SMOC2: variants seen among roughly 807,000 people sequenced by gnomAD.
SMOC2 encodes SPARC related modular calcium binding 2.
Under a neutral mutation model 61.4 loss-of-function variants are expected in SMOC2, and 39 were observed. That is an observed-to-expected ratio of 0.64 (90% CI 0.49 to 0.83). The LOEUF (loss-of-function observed/expected upper bound fraction) is 0.83. SMOC2 is among the 40% of genes least tolerant of loss of function. The pLI, the probability that SMOC2 is intolerant of heterozygous loss-of-function variation, is 0.00. For synonymous variants in SMOC2, 247 were observed against 239.9 expected, an observed-to-expected ratio of 1.03 and a Z score of -0.27; for missense variants, 556 against 592.9, an observed-to-expected ratio of 0.94 and a Z score of 0.65.
chr6:168,494,974 C>A (rs775109859), intron 1 of SMOC2, among the ~76,000 whole-genome samples: 1 of 152,222 alleles, frequency 6.6e-6, no homozygotes, highest in African/African-American at 2.4e-5. Flanking sequence ...CCTCGCTCGG[C>A]CTTGCCCCTT....
At position 168,590,446 on chromosome 6, in the gene SMOC2, G is replaced by T. The variant is rs113293791; in HGVS notation, c.638-8372G>T. ...GCCTGGTGGTGGTCAGGTGTGGCAT[G>T]AGTTTAGGGGGCAGCCGGCCTGGTG... On this transcript the variant is annotated intron_variant, in intron 7 of 12. Transcript: ENST00000356284. 1.2e-3 allele frequency among the ~76,000 whole-genome samples: 146 copies of T among 120,648 alleles called. 1 individual carries two copies. Among genetic ancestry groups the T allele is most frequent in the Middle Eastern group, 0.013 (2 of 152 alleles). The allele number at this position is 120,648 out of a possible 152,430, so 79.1% of individuals were successfully genotyped here.
chr6:168,607,348 G>A (rs1359582984), intron 8 of SMOC2, among the ~76,000 whole-genome samples: 1 of 152,166 alleles, frequency 6.6e-6, no homozygotes, highest in East Asian at 1.9e-4. Flanking sequence ...TTGGTCAAGG[G>A]CTGCTGAATG....
chr6:168,631,540 C>T (rs1036885927), intron 9 of SMOC2, among the ~76,000 whole-genome samples: 11 of 152,166 alleles, frequency 7.2e-5, no homozygotes, highest in African/African-American at 2.4e-4. Flanking sequence ...GTAACATGGG[C>T]TGTGCTGCAG....
At chr6:168,636,962 C>T (rs1786754620) in intron 9 of SMOC2, among the ~76,000 whole-genome samples, 1 of 133,078 alleles carries the variant, frequency 7.5e-6, no homozygotes, top group Non-Finnish European at 1.6e-5. Flanking sequence ...CTCTTTCCTC[C>T]CTCCTCCCTC....
chr6:168,480,520 G>T (rs1782182468), intron 1 of SMOC2, among the ~76,000 whole-genome samples: 3 of 152,038 alleles, frequency 2.0e-5, no homozygotes, highest in South Asian at 2.1e-4. Flanking sequence ...TGAGCAGATG[G>T]AAGAAAGGAT....
chr6:168,568,128 C>T (rs781446130), intron 7 of SMOC2, among the ~76,000 whole-genome samples: 16 of 151,200 alleles, frequency 1.1e-4, no homozygotes, highest in African/African-American at 2.9e-4. Context: ...CAGCTACAGG[C>T]GAAGACCGGA....
At chr6:168,632,656 T>G (rs1786600148) in intron 9 of SMOC2, among the ~76,000 whole-genome samples, 1 of 152,230 alleles carries the variant, frequency 6.6e-6, no homozygotes. Context: ...AATTTTGCTA[T>G]CCAGCCTATT....
At chr6:168,524,798 C>T (rs898336107) in intron 2 of SMOC2, among the ~76,000 whole-genome samples, 2 of 152,236 alleles carry the variant, frequency 1.3e-5, no homozygotes, top group African/African-American at 4.8e-5. Flanking sequence ...CATGGAGGAG[C>T]GTTTGCTCAG....
intron 11 of SMOC2, among the ~76,000 whole-genome samples, chr6:168,658,926 AGT>A (rs1267488390): frequency 1.6e-5 from 2 of 127,776 alleles, no homozygotes; most frequent in Non-Finnish European, 3.4e-5. Context: ...GTGTGTGTGG[AGT>A]GTGTGTATGT....
At chr6:168,461,481 A>G (rs1201903018) in intron 1 of SMOC2, among the ~76,000 whole-genome samples, 3 of 152,184 alleles carry the variant, frequency 2.0e-5, no homozygotes, top group Admixed American at 6.5e-5. Flanking sequence ...ATGAACTTTT[A>G]TGACAACTTT....
At chr6:168,479,555 C>T (rs982867777) in intron 1 of SMOC2, among the ~76,000 whole-genome samples, 5 of 152,176 alleles carry the variant, frequency 3.3e-5, no homozygotes, top group Non-Finnish European at 5.9e-5. Context: ...AAGGCTTGGA[C>T]AGTAAAGTGT....
chr6:168,501,419 T>C (rs1458010042), intron 1 of SMOC2, among the ~76,000 whole-genome samples: 2 of 151,868 alleles, frequency 1.3e-5, no homozygotes, highest in African/African-American at 4.8e-5. Flanking sequence ...CTTGCTGCGG[T>C]GCCAGGAACC....
At chr6:168,618,069 G>C (rs1042567302) in intron 9 of SMOC2, among the ~76,000 whole-genome samples, 6 of 152,244 alleles carry the variant, frequency 3.9e-5, no homozygotes, top group Non-Finnish European at 8.8e-5. Flanking sequence ...TCTGTCCTAT[G>C]GCGTGTTATT....
rs527784827 is a variant in SMOC2 at position 168,544,480 on chromosome 6, C to G, written c.511+808C>G. 1.1e-4 allele frequency among the ~76,000 whole-genome samples: 17 copies of G among 152,234 alleles called. No homozygotes were observed. The highest frequency in any genetic ancestry group is 3.9e-4 in the African/African-American group (16 of 41,538). ...CTGAGGTCAGGAGTTTGAGACCAGC[C>G]TGGCCAAAATGGTGAAACGCCATCT... On this transcript the variant is annotated intron_variant, in intron 5 of 12. Transcript: ENST00000356284. The surrounding 1 kb of genome is among the most constrained non-coding windows in gnomAD (Gnocchi z 4.1).
At chr6:168,505,065 T>G (rs1782834435) in intron 1 of SMOC2, among the ~76,000 whole-genome samples, 1 of 151,682 alleles carries the variant, frequency 6.6e-6, no homozygotes, top group Non-Finnish European at 1.5e-5. Context: ...GAATGAAATG[T>G]CCATCTCTCA....
chr6:168,498,575 C>T (rs999447559), intron 1 of SMOC2, among the ~76,000 whole-genome samples: 4 of 152,272 alleles, frequency 2.6e-5, no homozygotes, highest in Non-Finnish European at 5.9e-5. Flanking sequence ...GTAGGGGAGC[C>T]GCTCTTTTCT....
intron 8 of SMOC2, among the ~76,000 whole-genome samples, chr6:168,599,305 A>AC (rs1210158992): frequency 1.5e-5 from 2 of 130,832 alleles, no homozygotes; most frequent in African/African-American, 6.0e-5. Flanking sequence ...CATACCACAC[A>AC]CACACCCCCA....
In SMOC2 at chr6:168,625,044, T is replaced by G. The variant is rs113588435; in HGVS notation, c.907+16805T>G. Among the ~76,000 whole-genome samples, 717 of 152,014 alleles carry G rather than the reference T, an allele frequency of 4.7e-3. 3 individuals are homozygous for G. Among genetic ancestry groups the G allele is most frequent in the South Asian group, 7.7e-3 (37 of 4,812 alleles). On this transcript the variant is annotated intron_variant, in intron 9 of 12. Coordinates refer to ENST00000356284, the MANE Select transcript of SMOC2 (RefSeq NM_001166412.2). Reference sequence around the variant, plus strand: ...GCTCCAATTCCCAAAATGAACAGAGTGATGTGGACCCCGACCCTGCCCCCT... The same window carrying G: ...GCTCCAATTCCCAAAATGAACAGAGGGATGTGGACCCCGACCCTGCCCCCT...
intron 2 of SMOC2, among the ~76,000 whole-genome samples, chr6:168,519,873 T>C (rs1783287414): frequency 1.3e-5 from 2 of 152,262 alleles, no homozygotes; most frequent in African/African-American, 4.8e-5. Context: ...AGTCTTGCAA[T>C]GGTTTGCAGT....
Sources: allele counts gnomAD v4.1 joint callset (sites outside exome capture counted in the v4.1 genomes callset), GRCh38; gene constraint gnomAD v4.1.1; non-coding constraint Gnocchi (gnomAD v3.1); transcripts MANE v1.5; gene names NCBI Gene and HGNC (gene_info 2026-07-23, HGNC 2026-07-21).